Variants in ZNF511 observed in about 807,000 individuals in gnomAD.
The protein encoded by ZNF511 is zinc finger protein 511.
In ZNF511, 26 loss-of-function variants were observed where a neutral mutation model predicts 24.8. That is an observed-to-expected ratio of 1.05 (90% confidence interval 0.77 to 1.46). ZNF511 has a LOEUF of 1.46. ZNF511 is among the 40% of genes most tolerant of loss of function. ZNF511 has a pLI of 0.00. For missense variants in ZNF511, 358 were observed against 345.0 expected (o/e 1.04, Z -0.30); for synonymous variants, 144 against 139.6 (o/e 1.03, Z -0.22).
rs927776215 is a variant in ZNF511 at position 133,308,952 on chromosome 10, G to C, written c.9G>C (p.Leu3Phe). The stretch of plus-strand genomic sequence containing the variant: ...CGCCCGCGCCCGGGGTGATGCAGTT[G>C]CCCCCCGCGCTGTGCGCCCGCCTCG... MQLPPALCARLAA... is the reference protein window; with the variant it reads MQFPPALCARLAA... Residue 3 changes from leucine to phenylalanine, a missense_variant, in exon 1 of 6, where the codon TTG becomes TTC. Transcript: ENST00000361518. 3.2e-5 allele frequency: 39 copies of C among 1,233,598 alleles called. No individual in the cohort carries two copies. The highest frequency in any genetic ancestry group is 2.3e-4 in the East Asian group (7 of 30,860). 76.4% of individuals were successfully genotyped at this position (1,233,598 alleles called of 1,614,324 possible). A position where few individuals can be genotyped will look rare whatever the true frequency, so the allele number is the denominator to read the frequency against.
Position 133,313,086 on chromosome 10 carries a change from G to C in ZNF511, c.*220G>C. ...GGACACACTATTGGGAAGGAGATGT[G>C]GACGGCCTGTCTCCTCCTGCAGGGC... is the stretch of plus-strand genomic sequence containing the variant. On this transcript the variant is annotated 3_prime_UTR_variant, in exon 6 of 6. Transcript: ENST00000361518. The C allele has an allele frequency of 2.4e-6, 3 of 1,261,516 alleles. No individual in the cohort carries two copies. The African/African-American group carries it at 4.5e-5, about 19-fold the overall frequency. The allele number at this position is 1,261,516 out of a possible 1,614,324, so 78.1% of individuals were successfully genotyped here.
chr10:133,309,011 T>C lies in ZNF511; in HGVS notation c.68T>C (p.Val23Ala), dbSNP rs1847913033. 4.0e-6 allele frequency: 5 copies of C among 1,258,022 alleles called. No individual in the cohort carries two copies. In the Admixed American group the frequency reaches 1.3e-4, roughly 32 times the overall value. The allele number at this position is 1,258,022 out of a possible 1,614,324, so 77.9% of individuals were successfully genotyped here. The change falls in exon 1 of 6, where the codon GTA becomes GCA. Residue 23 changes from valine (V) to alanine (A), a missense_variant. Transcript: ENST00000361518. ...AGPGAAEPLP[V>A]ERDPAAGAAP... is the part of the protein sequence containing the mutation. ...CCCGGGGCGGCGGAGCCGCTGCCTG[T>C]AGAGCGGGATCCCGCGGCTGGGGCC...
At chr10:133,310,319 G>T (rs1305984655) in intron 4 of ZNF511, 31 bp downstream of exon 4, 1 of 1,611,744 alleles carries the variant, frequency 6.2e-7, no homozygotes, top group Admixed American at 1.7e-5. Flanking sequence ...GCACGTGTCT[G>T]CTTTTGATTT....
In ZNF511 at chr10:133,310,241, C is replaced by T. The variant is rs746532392; in HGVS notation, c.507C>T (p.His169=). The T allele has an allele frequency of 2.5e-6, 4 of 1,614,060 alleles. No homozygotes were observed. Among genetic ancestry groups the T allele is most frequent in the Non-Finnish European group, 2.5e-6 (3 of 1,180,032 alleles). The change falls in exon 4 of 6, where the codon CAC becomes CAT. Residue 169 remains histidine, a synonymous_variant. Transcript: ENST00000361518. ...GGAAGGATCACATGGTGAGGATGCA[C>T]CTGTACCCCGCGGACTTCCGGTTTG... ...RDRKDHMVRM[H]LYPADFRFDK... is the part of the protein sequence containing the mutation.
rs761613578 is a variant in ZNF511, at chr10:133,309,845, C to T, written c.297C>T (p.His99=). The stretch of plus-strand genomic sequence containing the variant: ...TCGATGCCCTGGACGACTACGAGCA[C>T]CACTACCACACGCTGCACGGAAATG... The part of the protein sequence containing the change: ...QVFDALDDYE[H]HYHTLHGNVC... Residue 99 remains histidine, a synonymous_variant, in exon 3 of 6, where the codon CAC becomes CAT. Transcript: ENST00000361518. 3.3e-5 allele frequency: 54 copies of T among 1,613,696 alleles called. No individual in the cohort carries two copies. Among genetic ancestry groups the T allele is most frequent in the Non-Finnish European group, 4.2e-5 (50 of 1,180,040 alleles).
chr10:133,312,906 G>A lies in ZNF511; in HGVS notation c.*40G>A. 8 of 1,612,886 alleles carry A rather than the reference G, an allele frequency of 5.0e-6. No individual in the cohort carries two copies. Among genetic ancestry groups the A allele is most frequent in the Non-Finnish European group, 6.8e-6 (8 of 1,179,606 alleles). ...GAGTGGGGGGCAGTCACCACTGCTGGGCGTGGCATCCGCCTTGGGCCTTTC... is the reference window on the plus strand; with the variant it reads ...GAGTGGGGGGCAGTCACCACTGCTGAGCGTGGCATCCGCCTTGGGCCTTTC... On this transcript the variant is annotated 3_prime_UTR_variant, in exon 6 of 6. Coordinates refer to ENST00000361518, the MANE Select transcript of ZNF511 (RefSeq NM_145806.4).
In ZNF511 at chr10:133,311,824, G is replaced by C; in HGVS notation, c.663G>C (p.Arg221Ser). The C allele has an allele frequency of 6.2e-7, 1 of 1,613,338 alleles. No individual in the cohort carries two copies. The highest frequency in any genetic ancestry group is 1.1e-5 in the South Asian group (1 of 91,084). ...CCTCCCCTGCACCGGCAGGTGAGAGGCGGATCTACAGACATAGGTCAGTGT... is the reference window on the plus strand; with the variant it reads ...CCTCCCCTGCACCGGCAGGTGAGAGCCGGATCTACAGACATAGGTCAGTGT... The part of the protein sequence containing the change: ...VAASPAPAGE[R>S]RIYRHRIPST... Residue 221 changes from arginine (R) to serine (S), a missense_variant, in exon 5 of 6, where the codon AGG becomes AGC. Arg to Ser is a moderately radical substitution (Grantham distance 110, BLOSUM62 -1). Transcript: ENST00000361518.
intron 1 of ZNF511, 134 bp downstream of exon 1, chr10:133,309,230 G>GA: frequency 2.1e-6 from 2 of 964,026 alleles, no homozygotes; most frequent in East Asian, 3.0e-5. Flanking sequence ...GGCGGGACCT[G>GA]AGGTGGTGGG....
Position 133,311,754 on chromosome 10 carries a change from G to A in ZNF511, c.593G>A (p.Arg198Gln), listed in dbSNP as rs776705047. The A allele has an allele frequency of 1.7e-5, 28 of 1,613,704 alleles. No individual in the cohort carries two copies. In the Admixed American group the frequency reaches 2.7e-4, roughly 15 times the overall value. Residue 198 changes from arginine to glutamine, a missense_variant, in exon 5 of 6, where the codon CGG (arginine) becomes CAG (glutamine). Physicochemically the swap from Arg to Gln is conservative, Grantham distance 43 (BLOSUM62 1). Transcript: ENST00000361518. ...GAAGCCCCAGGGGACAGTGGAGAGC[G>A]GTCAGAAGGGGAGGCCATGGAAATC... ...SAEAPGDSGE[R>Q]SEGEAMEICS...
intron 2 of ZNF511, 95 bp from the exon 3 acceptor site, chr10:133,309,681 G>C: frequency 1.4e-6 from 2 of 1,432,480 alleles, no homozygotes; most frequent in Non-Finnish European, 2.0e-6. Flanking sequence ...GATGCATAGG[G>C]GCTTTATTGG....
In ZNF511 at chr10:133,309,944, G is replaced by A. The variant is rs1847950417; in HGVS notation, c.396G>A (p.Ser132=). The A allele has an allele frequency of 1.9e-6, 3 of 1,613,330 alleles. No individual in the cohort carries two copies. The highest frequency in any genetic ancestry group is 2.2e-5 in the East Asian group (1 of 44,886). ...CCCACATCCTGGAGTGGCACGATTC[G>A]CTCTTCCAGATCCTGTCTGAGAGGC... is the stretch of plus-strand genomic sequence containing the variant. ...LDAHILEWHD[S]LFQILSERQD... is the part of the protein sequence containing the mutation. The change falls in exon 3 of 6, where the codon TCG becomes TCA. Residue 132 remains serine (S), a synonymous_variant. Coordinates refer to ENST00000361518, the MANE Select transcript of ZNF511 (RefSeq NM_145806.4).
At chr10:133,309,287 G>A in intron 1 of ZNF511, 103 bp from the exon 2 acceptor site, 5 of 1,435,820 alleles carry the variant, frequency 3.5e-6, no homozygotes, top group Non-Finnish European at 4.7e-6. Context: ...TGTGGGGCGG[G>A]ACCGGAGCGC....
chr10:133,311,779 C>A lies in ZNF511; in HGVS notation c.618C>A (p.Ile206=). 6.2e-7 allele frequency: 1 copy of A among 1,613,806 alleles called. No homozygotes were observed. Among genetic ancestry groups the A allele is most frequent in the Non-Finnish European group, 8.5e-7 (1 of 1,180,044 alleles). The change falls in exon 5 of 6, where the codon ATC becomes ATA. Residue 206 remains isoleucine, a synonymous_variant. Coordinates refer to ENST00000361518, the MANE Select transcript of ZNF511 (RefSeq NM_145806.4). ...GGTCAGAAGGGGAGGCCATGGAAAT[C>A]TGCTCTGAGCCTGTGGCAGCCTCCC... ...GERSEGEAME[I]CSEPVAASPA... is the part of the protein sequence containing the mutation.
rs1030310229 is a variant in ZNF511 at position 133,308,956 on chromosome 10, C to G, written c.13C>G (p.Pro5Ala). ...CGCGCCCGGGGTGATGCAGTTGCCC[C>G]CCGCGCTGTGCGCCCGCCTCGCTGC... MQLP[P>A]ALCARLAAGP... Residue 5 changes from proline (P) to alanine (A), a missense_variant, in exon 1 of 6, where the codon CCC becomes GCC. Pro to Ala is a conservative substitution (Grantham distance 27, BLOSUM62 -1). Coordinates refer to ENST00000361518, the MANE Select transcript of ZNF511 (RefSeq NM_145806.4). 1 of 1,237,818 alleles carries G rather than the reference C, an allele frequency of 8.1e-7. No individual in the cohort carries two copies. The highest frequency in any genetic ancestry group is 1.6e-5 in the African/African-American group (1 of 63,990). The allele number at this position is 1,237,818 out of a possible 1,614,324, so 76.7% of individuals were successfully genotyped here. A position where few individuals can be genotyped will look rare whatever the true frequency, so the allele number is the denominator to read the frequency against.
intron 3 of ZNF511, 71 bp downstream of exon 3, chr10:133,310,048 C>G: frequency 1.9e-6 from 3 of 1,609,292 alleles, no homozygotes; most frequent in Non-Finnish European, 2.5e-6. Flanking sequence ...GCCCCCAGCT[C>G]TCGGGTGCTC....
chr10:133,311,090 C>T (rs1847980583), intron 4 of ZNF511, among the ~76,000 whole-genome samples: 1 of 152,218 alleles, frequency 6.6e-6, no homozygotes, highest in South Asian at 2.1e-4. Context: ...GTATGAGCTA[C>T]CATGTCCAGC....
At chr10:133,312,080 CT>C (rs910628206) in intron 5 of ZNF511, 8 of 1,458,756 alleles carry the variant, frequency 5.5e-6, no homozygotes, top group African/African-American at 2.8e-5. Flanking sequence ...GCACCACTCA[CT>C]TTTCCTCATT....
At chr10:133,311,631 G>C in intron 4 of ZNF511, 85 bp from the exon 5 acceptor site, 1 of 1,202,554 alleles carries the variant, frequency 8.3e-7, no homozygotes. Context: ...GGGAAATCCA[G>C]TTTCTTTCTT....
rs1848022933 is a variant in ZNF511, at chr10:133,312,900, C to G, written c.*34C>G. On this transcript the variant is annotated 3_prime_UTR_variant, in exon 6 of 6. Transcript: ENST00000361518. ...GAAAAGGAGTGGGGGGCAGTCACCA[C>G]TGCTGGGCGTGGCATCCGCCTTGGG... The G allele has an allele frequency of 3.1e-6, 5 of 1,613,096 alleles. No homozygotes were observed. Among genetic ancestry groups the G allele is most frequent in the Non-Finnish European group, 3.4e-6 (4 of 1,179,744 alleles).
Sources: gnomAD v4.1 joint callset for allele counts (sites outside exome capture counted in the v4.1 genomes callset) on GRCh38, gnomAD v4.1.1 for gene constraint, MANE v1.5 for transcripts, NCBI Gene and HGNC (gene_info 2026-07-23, HGNC 2026-07-21) for gene names.